HS2ST1: variants seen among roughly 807,000 people sequenced by gnomAD.
HS2ST1 encodes the protein 2-O-sulfotransferase.
HS2ST1 carries 18 observed loss-of-function variants against 42.9 expected under a neutral mutation model. The ratio of observed to expected loss-of-function variants is 0.42; its 90% confidence interval spans 0.29 to 0.62. HS2ST1 has a LOEUF of 0.62. Ranked by LOEUF, HS2ST1 falls within the 20% of genes least tolerant of loss-of-function variation. The pLI is 0.21. For synonymous variants in HS2ST1, 146 were observed against 152.9 expected (o/e 0.95, Z 0.33); for missense variants, 334 against 433.8 (o/e 0.77, Z 2.04).
intron 1 of HS2ST1, among the ~76,000 whole-genome samples, chr1:87,038,165 G>A (rs1403581989): frequency 6.6e-6 from 1 of 151,958 alleles, no homozygotes; most frequent in Non-Finnish European, 1.5e-5. Context: ...GGTGGATTTG[G>A]TCTGTTCTAT....
chr1:86,979,610 C>T (rs778119072), intron 1 of HS2ST1, among the ~76,000 whole-genome samples: 3 of 152,318 alleles, frequency 2.0e-5, no homozygotes, highest in Middle Eastern at 3.4e-3. Flanking sequence ...CATCTATTCA[C>T]GGACACTTGG....
chr1:86,965,528 G>A (rs1490178824), intron 1 of HS2ST1, among the ~76,000 whole-genome samples: 2 of 152,002 alleles, frequency 1.3e-5, no homozygotes, highest in Non-Finnish European at 2.9e-5. Flanking sequence ...TAAACCAGTG[G>A]TTCTCAAGCC....
At chr1:87,101,165 T>TTTG (rs1557546483) in intron 5 of HS2ST1, among the ~76,000 whole-genome samples, 1 of 120,042 alleles carries the variant, frequency 8.3e-6, no homozygotes, top group African/African-American at 3.2e-5. Context: ...TGTTTTTTTT[T>TTTG]TTTTTTTTTT....
At chr1:87,041,082 G>A (rs928027703) in intron 1 of HS2ST1, among the ~76,000 whole-genome samples, 1 of 151,966 alleles carries the variant, frequency 6.6e-6, no homozygotes, top group Non-Finnish European at 1.5e-5. Flanking sequence ...TTTTACATCA[G>A]TGTTTTATTT....
rs1329858421 is a variant in HS2ST1 at position 87,108,413 on chromosome 1, G to T, written c.*3717G>T. On this transcript the variant is annotated 3_prime_UTR_variant, in exon 7 of 7. Transcript: ENST00000370550. ...AGAGGCCCAGGTGCTTCTCCTTTAT[G>T]ATTTGAGTTGGCCTCTTCATAAATT... The T allele has an allele frequency of 2.0e-5, 3 of 152,078 alleles. No individual in the cohort carries two copies. The highest frequency in any genetic ancestry group is 7.2e-5 in the African/African-American group (3 of 41,436). 9.4% of individuals were successfully genotyped at this position (152,078 alleles called of 1,614,324 possible). A position where few individuals can be genotyped will look rare whatever the true frequency, so the allele number is the denominator to read the frequency against.
At chr1:86,964,803 A>G (rs76668538) in intron 1 of HS2ST1, among the ~76,000 whole-genome samples, 7,653 of 152,314 alleles carry the variant, frequency 0.05, 670 homozygotes, top group African/African-American at 0.17. Context: ...CTGAGTTCCT[A>G]AAGGTTACAC....
chr1:87,007,175 A>G (rs1419382302), intron 1 of HS2ST1, among the ~76,000 whole-genome samples: 1 of 152,080 alleles, frequency 6.6e-6, no homozygotes, highest in African/African-American at 2.4e-5. Flanking sequence ...TTAGAAACTC[A>G]GATTTATCAG....
At chr1:86,995,530 G>T (rs1259135643) in intron 1 of HS2ST1, among the ~76,000 whole-genome samples, 4 of 152,104 alleles carry the variant, frequency 2.6e-5, no homozygotes, top group Admixed American at 2.6e-4. Flanking sequence ...GGATTGAGCT[G>T]TTAGAAATAG....
At chr1:86,918,513 G>C (rs940729497) in intron 1 of HS2ST1, among the ~76,000 whole-genome samples, 1 of 151,654 alleles carries the variant, frequency 6.6e-6, no homozygotes, top group Non-Finnish European at 1.5e-5. Flanking sequence ...ATTTTTTTGA[G>C]TGTTTCTTTT....
chr1:86,973,731 G>A (rs1254084364), intron 1 of HS2ST1, among the ~76,000 whole-genome samples: 1 of 152,034 alleles, frequency 6.6e-6, no homozygotes, highest in East Asian at 1.9e-4. Context: ...ATATTTTATT[G>A]TAGGCAAATT....
intron 1 of HS2ST1, among the ~76,000 whole-genome samples, chr1:86,940,596 C>T (rs1422583450): frequency 6.6e-6 from 1 of 152,116 alleles, no homozygotes; most frequent in Non-Finnish European, 1.5e-5. Context: ...ATTTATGTCA[C>T]CTGAAGAGAG....
intron 4 of HS2ST1, among the ~76,000 whole-genome samples, chr1:87,096,803 C>T (rs77088804): frequency 0.025 from 3,748 of 152,222 alleles, 51 homozygotes; most frequent in South Asian, 0.058. Flanking sequence ...CTTCAAGTGA[C>T]AGGCATAATT....
intron 3 of HS2ST1, among the ~76,000 whole-genome samples, chr1:87,086,391 G>T (rs149901772): frequency 6.6e-6 from 1 of 152,130 alleles, no homozygotes; most frequent in Non-Finnish European, 1.5e-5. Flanking sequence ...GTTCAGACTC[G>T]TGTTGTTCAA....
chr1:87,097,920 A>G lies in HS2ST1; in HGVS notation c.671A>G (p.His224Arg). The G allele has an allele frequency of 6.2e-7, 1 of 1,613,998 alleles. No individual in the cohort carries two copies. The highest frequency in any genetic ancestry group is 8.5e-7 in the Non-Finnish European group (1 of 1,179,892). The change falls in exon 5 of 7, where the codon CAT becomes CGT. Residue 224 changes from histidine to arginine, a missense_variant. By Grantham distance (29) the His-to-Arg change is conservative. Coordinates refer to ENST00000370550, the MANE Select transcript of HS2ST1 (RefSeq NM_012262.4). ...LWLQIPFFCG[H>R]SSECWNVGSR... The stretch of plus-strand genomic sequence containing the variant: ...CTTCAAATCCCGTTCTTCTGTGGCC[A>G]TAGCTCCGAATGCTGGTAGGGGAGA...
At chr1:87,091,284 A>T (rs79053052) in intron 3 of HS2ST1, among the ~76,000 whole-genome samples, 1,908 of 152,122 alleles carry the variant, frequency 0.013, 44 homozygotes, top group African/African-American at 0.043. Flanking sequence ...ATATAAAGAG[A>T]AATAGAATAA....
At chr1:86,917,542 A>G (rs903932502) in intron 1 of HS2ST1, among the ~76,000 whole-genome samples, 7 of 151,940 alleles carry the variant, frequency 4.6e-5, no homozygotes, top group African/African-American at 1.7e-4. Context: ...CCAAAGAACA[A>G]CAGAAAGCCA....
At chr1:87,023,020 C>T (rs1163994633) in intron 1 of HS2ST1, among the ~76,000 whole-genome samples, 5 of 152,132 alleles carry the variant, frequency 3.3e-5, no homozygotes, top group African/African-American at 1.2e-4. Context: ...CAGTTTTCTA[C>T]ATTTATCTGC....
intron 1 of HS2ST1, among the ~76,000 whole-genome samples, chr1:87,066,762 C>T (rs544401252): frequency 6.6e-6 from 1 of 152,036 alleles, no homozygotes; most frequent in African/African-American, 2.4e-5. Context: ...TGTGATGTTC[C>T]CCTACCTGTG....
chr1:86,955,737 C>T (rs1245381647), intron 1 of HS2ST1, among the ~76,000 whole-genome samples: 1 of 152,218 alleles, frequency 6.6e-6, no homozygotes, highest in African/African-American at 2.4e-5. Flanking sequence ...GTAGTCCCAG[C>T]ACTTTGGGAG....
Sources: gnomAD v4.1 joint callset for allele counts (sites outside exome capture counted in the v4.1 genomes callset) on GRCh38, gnomAD v4.1.1 for gene constraint, MANE v1.5 for transcripts, NCBI Gene and HGNC (gene_info 2026-07-23, HGNC 2026-07-21) for gene names.